The following TTC3 variants were observed in gnomAD, a reference collection of about 807,000 sequenced individuals.
TTC3 encodes tetratricopeptide repeat domain 3.
In TTC3, 180 loss-of-function variants were observed where a neutral mutation model predicts 249.6. That is an observed-to-expected ratio of 0.72 (90% CI 0.64 to 0.82). The LOEUF (loss-of-function observed/expected upper bound fraction) is 0.82. TTC3 is among the 40% of genes least tolerant of loss of function. The pLI is 0.00. For synonymous variants in TTC3, 717 were observed against 805.0 expected, an observed-to-expected ratio of 0.89 and a Z score of 1.85; for missense variants, 2,061 against 2,398.4, an observed-to-expected ratio of 0.86 and a Z score of 2.94.
At chr21:37,144,454 T>C in intron 20 of TTC3, 71 bp from the exon 21 acceptor site, 1 of 1,514,480 alleles carries the variant, frequency 6.6e-7, no homozygotes, top group Non-Finnish European at 8.9e-7. Flanking sequence ...CTTGAGATCT[T>C]TGGTGACTTT....
chr21:37,169,662 A>T (rs2081563490), intron 34 of TTC3, among the ~76,000 whole-genome samples: 1 of 308 alleles, frequency 3.2e-3, no homozygotes, highest in East Asian at 0.12. Flanking sequence ...CAGCTGGCCA[A>T]CATAGTAAAC....
chr21:37,124,547 A>T, intron 13 of TTC3, 72 bp from the exon 14 acceptor site: 1 of 1,529,736 alleles, frequency 6.5e-7, no homozygotes, highest in African/African-American at 1.4e-5. Flanking sequence ...AAAGGCTGTG[A>T]TTGCTGCAAC....
intron 1 of TTC3, among the ~76,000 whole-genome samples, chr21:37,079,952 A>T (rs1361736737): frequency 6.6e-6 from 1 of 152,266 alleles, no homozygotes; most frequent in South Asian, 2.1e-4. Flanking sequence ...AAGTTTGTCC[A>T]TTTTTAAAAT....
chr21:37,102,812 C>A (rs1449694137), intron 10 of TTC3, among the ~76,000 whole-genome samples: 1 of 152,112 alleles, frequency 6.6e-6, no homozygotes, highest in Non-Finnish European at 1.5e-5. Flanking sequence ...TCCTGGTCAA[C>A]ATGGTGAAAC....
At chr21:37,195,416 G>T (rs1042262558) in intron 41 of TTC3, among the ~76,000 whole-genome samples, 1 of 152,192 alleles carries the variant, frequency 6.6e-6, no homozygotes, top group Admixed American at 6.5e-5. Flanking sequence ...AGGCAAAATG[G>T]TCTCATCTTA....
intron 28 of TTC3, 65 bp downstream of exon 28, chr21:37,156,971 C>T: frequency 1.3e-6 from 2 of 1,543,410 alleles, no homozygotes; most frequent in Non-Finnish European, 1.8e-6. Context: ...CTGTGAAGGA[C>T]CTAGCTTGTT....
At chr21:37,142,422 T>A (rs930661805) in intron 20 of TTC3, among the ~76,000 whole-genome samples, 4 of 152,170 alleles carry the variant, frequency 2.6e-5, no homozygotes, top group Non-Finnish European at 5.9e-5. Flanking sequence ...ACAAAATCAA[T>A]GTGCAAAAAT....
chr21:37,094,451 G>A (rs899588464), intron 8 of TTC3, among the ~76,000 whole-genome samples: 9 of 152,154 alleles, frequency 5.9e-5, no homozygotes, highest in African/African-American at 1.4e-4. Context: ...CCCTAATGCT[G>A]TTGATATGAT....
rs147467332 is a variant in TTC3 at position 37,164,063 on chromosome 21, A to C, written c.3183A>C (p.Ser1061=). 2.2e-4 allele frequency: 357 copies of C among 1,601,644 alleles called. 2 individuals carry two copies. In the African/African-American group the frequency reaches 3.8e-3, roughly 17 times the overall value. ...TGTTATTTACCAGCAATCGAAATTCAGATTCTGCAGGCCCATTTGCAGTGC... is the reference window on the plus strand; with the variant it reads ...TGTTATTTACCAGCAATCGAAATTCCGATTCTGCAGGCCCATTTGCAGTGC... Residue 1061 remains serine, a synonymous_variant, in exon 32 of 46, where the codon TCA becomes TCC. Transcript: ENST00000355666.
intron 16 of TTC3, among the ~76,000 whole-genome samples, chr21:37,131,689 G>A (rs1479024847): frequency 6.6e-6 from 1 of 152,086 alleles, no homozygotes; most frequent in Non-Finnish European, 1.5e-5. Context: ...CAGTCTGGTG[G>A]GACTGATTCT....
chr21:37,133,635 G>A (rs2077662159), intron 17 of TTC3, among the ~76,000 whole-genome samples: 1 of 152,178 alleles, frequency 6.6e-6, no homozygotes, highest in Non-Finnish European at 1.5e-5. Context: ...GAGAGATTGG[G>A]TGCACAGTGA....
At chr21:37,093,531 A>C (rs1489799899) in intron 7 of TTC3, 1 of 152,548 alleles carries the variant, frequency 6.6e-6, no homozygotes, top group Non-Finnish European at 1.5e-5. Context: ...TGAATAAGAG[A>C]TACTCAATCT....
intron 41 of TTC3, among the ~76,000 whole-genome samples, chr21:37,193,201 C>T (rs192133763): frequency 2.7e-5 from 4 of 147,018 alleles, no homozygotes; most frequent in East Asian, 2.1e-4. Context: ...GCACTGTCCC[C>T]GCTCTGCATC....
At chr21:37,183,026 GA>G in intron 36 of TTC3, 113 bp downstream of exon 36, 1 of 943,678 alleles carries the variant, frequency 1.1e-6, no homozygotes, top group Non-Finnish European at 1.5e-6. Flanking sequence ...AAGTAAAAAT[GA>G]ATACTGTTTT....
chr21:37,130,418 T>C (rs1056484679), intron 16 of TTC3, among the ~76,000 whole-genome samples: 8 of 152,190 alleles, frequency 5.3e-5, no homozygotes, highest in Non-Finnish European at 7.3e-5. Flanking sequence ...TTTTCTGATA[T>C]TTTGTTTCAC....
At chr21:37,170,927 G>C (rs1049737572) in intron 34 of TTC3, among the ~76,000 whole-genome samples, 2 of 152,138 alleles carry the variant, frequency 1.3e-5, no homozygotes, top group Non-Finnish European at 2.9e-5. Flanking sequence ...TAAAAGATGG[G>C]ATCACAGCAT....
exon 46 of TTC3, chr21:37,201,602 A>C: frequency 6.3e-7 from 1 of 1,597,488 alleles, no homozygotes; most frequent in South Asian, 1.1e-5. Flanking sequence ...GTCATCCACC[A>C]GTGTGTTGAA....
intron 20 of TTC3, among the ~76,000 whole-genome samples, chr21:37,143,353 G>A (rs9680395): frequency 0.13 from 18,994 of 151,490 alleles, 1,318 homozygotes; most frequent in Admixed American, 0.16. Context: ...CTCATCTGAC[G>A]AAGGGCTAAT....
intron 10 of TTC3, chr21:37,100,893 A>G (rs536686929): frequency 7.9e-5 from 12 of 152,352 alleles, no homozygotes; most frequent in African/African-American, 2.9e-4. Flanking sequence ...TAGTAATCAG[A>G]ACTTTTCAGT....
Sources: allele counts gnomAD v4.1 joint callset (sites outside exome capture counted in the v4.1 genomes callset), GRCh38; gene constraint gnomAD v4.1.1; transcripts MANE v1.5; gene names NCBI Gene and HGNC (gene_info 2026-07-23, HGNC 2026-07-21).